GABRB3: variants seen among roughly 807,000 people sequenced by gnomAD.
GABRB3 encodes the protein gamma-aminobutyric acid type A receptor subunit beta3.
A neutral mutation model predicts 52.1 loss-of-function variants in GABRB3; 14 were observed. That is an observed-to-expected ratio of 0.27 (90% CI 0.18 to 0.42). GABRB3 has a LOEUF of 0.42. Among genes scored for constraint, GABRB3 ranks in the 10% least tolerant of loss-of-function variants. The pLI is 1.00. For synonymous variants in GABRB3, 260 were observed against 232.3 expected, an observed-to-expected ratio of 1.12 and a Z score of -1.08; for missense variants, 307 against 609.1, an observed-to-expected ratio of 0.50 and a Z score of 5.22.
At chr15:26,610,399 T>G (rs1261249959) in intron 4 of GABRB3, among the ~76,000 whole-genome samples, 1 of 152,184 alleles carries the variant, frequency 6.6e-6, no homozygotes, top group East Asian at 1.9e-4. Flanking sequence ...ACCCCTGGTA[T>G]TTCAGTAACA....
intron 3 of GABRB3, among the ~76,000 whole-genome samples, chr15:26,659,847 T>A (rs1043028509): frequency 6.6e-5 from 10 of 152,236 alleles, no homozygotes; most frequent in Non-Finnish European, 1.5e-4. Flanking sequence ...TGTAAAAGCA[T>A]CTTGTTGCCA....
At chr15:26,569,418 T>C (rs913661194) in intron 6 of GABRB3, 1 of 152,246 alleles carries the variant, frequency 6.6e-6, no homozygotes, top group African/African-American at 2.4e-5. Context: ...TCACATGTCA[T>C]CATAGCATAA....
At chr15:26,770,470 A>AAT (rs1891115639) in intron 3 of GABRB3, among the ~76,000 whole-genome samples, 1 of 152,368 alleles carries the variant, frequency 6.6e-6, no homozygotes, top group African/African-American at 2.4e-5. Context: ...ACTTCAAATC[A>AAT]TAGACTACAA....
intron 4 of GABRB3, among the ~76,000 whole-genome samples, chr15:26,619,814 CAT>C (rs1010477130): frequency 6.6e-5 from 10 of 151,942 alleles, no homozygotes; most frequent in African/African-American, 1.2e-4. Context: ...ATCACACACA[CAT>C]GTGCACACAC....
intron 3 of GABRB3, among the ~76,000 whole-genome samples, chr15:26,746,250 C>G (rs1435350531): frequency 6.6e-6 from 1 of 151,812 alleles, no homozygotes; most frequent in South Asian, 2.1e-4. Context: ...TATTGGCCAT[C>G]TGTATATACT....
At chr15:26,607,518 A>T (rs1891882061) in intron 4 of GABRB3, among the ~76,000 whole-genome samples, 1 of 151,940 alleles carries the variant, frequency 6.6e-6, no homozygotes, top group Admixed American at 6.6e-5. Flanking sequence ...GTTACAGTGA[A>T]CTATAATTGC....
chr15:26,622,179 A>G (rs1004725800), intron 3 of GABRB3, among the ~76,000 whole-genome samples: 3 of 152,126 alleles, frequency 2.0e-5, no homozygotes, highest in Non-Finnish European at 4.4e-5. Context: ...TGGGAACCTA[A>G]GGTCCAAGCA....
intron 3 of GABRB3, among the ~76,000 whole-genome samples, chr15:26,662,420 T>G (rs2140614065): frequency 6.6e-6 from 1 of 152,244 alleles, no homozygotes; most frequent in South Asian, 2.1e-4. Flanking sequence ...CACGACTCCC[T>G]CACTGGATTA....
chr15:26,611,549 G>C (rs1390668384), intron 4 of GABRB3, among the ~76,000 whole-genome samples: 1 of 152,124 alleles, frequency 6.6e-6, no homozygotes, highest in Non-Finnish European at 1.5e-5. Flanking sequence ...TCTCAAAGTT[G>C]TTTCAAATTA....
chr15:26,588,179 A>G (rs1891066594), intron 4 of GABRB3, among the ~76,000 whole-genome samples: 2 of 152,172 alleles, frequency 1.3e-5, no homozygotes, highest in South Asian at 4.1e-4. Context: ...CTGAAAGTAG[A>G]GAGAAAAAAC....
At chr15:26,585,777 T>G (rs537512580) in intron 4 of GABRB3, among the ~76,000 whole-genome samples, 1 of 152,180 alleles carries the variant, frequency 6.6e-6, no homozygotes, top group Non-Finnish European at 1.5e-5. Context: ...CACATAGCTC[T>G]TTGGCATATT....
At chr15:26,583,631 CTTTAT>C (rs1170694480) in intron 4 of GABRB3, among the ~76,000 whole-genome samples, 1 of 151,470 alleles carries the variant, frequency 6.6e-6, no homozygotes, top group African/African-American at 2.4e-5. Context: ...AAACACAAAA[CTTTAT>C]TTTATTATAT....
In GABRB3 at chr15:26,615,626, T is replaced by C. The variant is rs1433238438; in HGVS notation, c.461+5688A>G. On this transcript the variant is annotated intron_variant, in intron 4 of 8. Coordinates refer to ENST00000311550, the MANE Select transcript of GABRB3 (RefSeq NM_000814.6). Reference sequence around the variant, plus strand: ...AATGATTTCCCAGAATAAGGCTGAGTTGACGTACAAACCTACGTCACGGAC... The same window carrying C: ...AATGATTTCCCAGAATAAGGCTGAGCTGACGTACAAACCTACGTCACGGAC... The C allele has an allele frequency of 1.3e-5, 8 of 601,762 alleles. No individual in the cohort carries two copies. The East Asian group carries it at 2.8e-4, about 21-fold the overall frequency. 37.3% of individuals were successfully genotyped at this position (601,762 alleles called of 1,614,324 possible).
chr15:26,671,962 T>C (rs1371165126), intron 3 of GABRB3, among the ~76,000 whole-genome samples: 1 of 152,030 alleles, frequency 6.6e-6, no homozygotes, highest in East Asian at 1.9e-4. Context: ...GCTAATTCAC[T>C]TTGATATATA....
At chr15:26,756,330 G>A (rs1890658655) in intron 3 of GABRB3, among the ~76,000 whole-genome samples, 1 of 151,812 alleles carries the variant, frequency 6.6e-6, no homozygotes, top group South Asian at 2.1e-4. Context: ...AGCACTTGGG[G>A]AAACCGAGGC....
chr15:26,554,093 GTATAAAGTGTGTGTATATA>G (rs1308752087), intron 8 of GABRB3, among the ~76,000 whole-genome samples: 1 of 25,778 alleles, frequency 3.9e-5, no homozygotes, highest in East Asian at 3.4e-4. Context: ...GTGTATATAT[GTATAAAGTGTGTGTATATA>G]TATAAAGTGT....
chr15:26,760,155 G>A (rs952008001), intron 3 of GABRB3, among the ~76,000 whole-genome samples: 1 of 152,212 alleles, frequency 6.6e-6, no homozygotes, highest in African/African-American at 2.4e-5. Context: ...CAGAGGAGAT[G>A]GGCTCCGTGC....
intron 3 of GABRB3, among the ~76,000 whole-genome samples, chr15:26,632,135 G>A (rs1330473832): frequency 6.6e-6 from 1 of 152,246 alleles, no homozygotes; most frequent in African/African-American, 2.4e-5. Context: ...TGTGAAGACT[G>A]CCTGCCACGC....
In GABRB3 at chr15:26,772,671, G is replaced by A. The variant is rs764970437; in HGVS notation, c.172+10C>T. On this transcript the variant is annotated intron_variant, in intron 2 of 8. Coordinates refer to ENST00000311550, the MANE Select transcript of GABRB3 (RefSeq NM_000814.6). Reference sequence around the variant, plus strand: ...GCGCTTCCCGCAACGGCCGCGCGCAGCCCACTTACCCCCGAAGTCGGGTCT... The same window carrying A: ...GCGCTTCCCGCAACGGCCGCGCGCAACCCACTTACCCCCGAAGTCGGGTCT... The A allele has an allele frequency of 3.8e-6, 6 of 1,563,970 alleles. No individual in the cohort carries two copies. In the Admixed American group the frequency reaches 7.2e-5, roughly 19 times the overall value.
Sources: allele counts gnomAD v4.1 joint callset (sites outside exome capture counted in the v4.1 genomes callset), GRCh38; gene constraint gnomAD v4.1.1; transcripts MANE v1.5; gene names NCBI Gene and HGNC (gene_info 2026-07-23, HGNC 2026-07-21).